PRKCZ: variants seen among roughly 807,000 people sequenced by gnomAD.
PRKCZ encodes the protein protein kinase C zeta type.
PRKCZ carries 33 observed loss-of-function variants against 79.5 expected under a neutral mutation model. That is an observed-to-expected ratio of 0.41 (90% CI 0.31 to 0.55). The LOEUF is 0.55. PRKCZ is among the 20% of genes least tolerant of loss of function. The pLI is 0.19. For synonymous variants in PRKCZ, 342 were observed against 320.9 expected (o/e 1.07, Z -0.70); for missense variants, 578 against 813.5 (o/e 0.71, Z 3.52).
intron 4 of PRKCZ, among the ~76,000 whole-genome samples, chr1:2,077,096 A>T (rs1662565376): frequency 1.3e-5 from 2 of 152,158 alleles, no homozygotes; most frequent in South Asian, 4.1e-4. Context: ...ACACGAACAG[A>T]TCCCTGCTGC....
rs79727931 is a variant in PRKCZ, at chr1:2,115,098, G to A, written c.335-20164G>A. ...CTACCCGTCCCCGGCCTTGGTGCCT[G>A]CAGATAGTTTTGCTTGTTTCGAGCT... On this transcript the variant is annotated intron_variant, in intron 4 of 17. Transcript: ENST00000378567. Among the ~76,000 whole-genome samples the A allele has an allele frequency of 5.5e-3, 837 of 152,376 alleles. 46 individuals are homozygous for A. In the East Asian group the frequency reaches 0.13, roughly 23 times the overall value.
intron 4 of PRKCZ, among the ~76,000 whole-genome samples, chr1:2,122,913 G>T: frequency 1.3e-5 from 1 of 77,698 alleles, no homozygotes; most frequent in Non-Finnish European, 2.4e-5. Flanking sequence ...TTAGGGTCAC[G>T]GTGGTGGTTA....
At chr1:2,072,677 C>T (rs1266883899) in intron 4 of PRKCZ, among the ~76,000 whole-genome samples, 3 of 152,040 alleles carry the variant, frequency 2.0e-5, no homozygotes, top group Non-Finnish European at 2.9e-5. Flanking sequence ...TTGAAAGGTT[C>T]GCTGTGGGAC....
intron 4 of PRKCZ, among the ~76,000 whole-genome samples, chr1:2,095,358 C>T (rs111838815): frequency 6.6e-6 from 1 of 152,150 alleles, no homozygotes; most frequent in African/African-American, 2.4e-5. Context: ...CCATGCTGTC[C>T]TCTGCCTTTG....
intron 4 of PRKCZ, among the ~76,000 whole-genome samples, chr1:2,093,151 T>C (rs1052423874): frequency 2.6e-5 from 4 of 151,636 alleles, no homozygotes; most frequent in African/African-American, 9.8e-5. Context: ...CTGAGAGACC[T>C]GGCGGGAGAG....
intron 7 of PRKCZ, among the ~76,000 whole-genome samples, chr1:2,146,545 C>A (rs1228384752): frequency 6.6e-6 from 1 of 152,178 alleles, no homozygotes; most frequent in Non-Finnish European, 1.5e-5. Context: ...GTGGCATGGT[C>A]CTTGGATTTT....
At chr1:2,058,337 A>C (rs1294429669) in intron 3 of PRKCZ, among the ~76,000 whole-genome samples, 1 of 134,510 alleles carries the variant, frequency 7.4e-6, no homozygotes, top group Non-Finnish European at 1.5e-5. Flanking sequence ...TTTGATATTC[A>C]GACGTGGTGG....
At chr1:2,112,120 A>G (rs1055714149) in intron 4 of PRKCZ, among the ~76,000 whole-genome samples, 5 of 152,234 alleles carry the variant, frequency 3.3e-5, no homozygotes, top group African/African-American at 4.8e-5. Flanking sequence ...GGTTTCCAGC[A>G]GAGCTTTTCC....
chr1:2,126,012 C>G (rs963347879), intron 4 of PRKCZ, among the ~76,000 whole-genome samples: 4 of 152,110 alleles, frequency 2.6e-5, no homozygotes, highest in African/African-American at 9.7e-5. Context: ...AGGATGTTGC[C>G]CCTGTCCTGA....
At chr1:2,070,192 C>T (rs1350085195) in intron 4 of PRKCZ, among the ~76,000 whole-genome samples, 1 of 152,022 alleles carries the variant, frequency 6.6e-6, no homozygotes, top group Non-Finnish European at 1.5e-5. Context: ...CCTGCCTGTC[C>T]ACAGCACAGA....
intron 9 of PRKCZ, among the ~76,000 whole-genome samples, chr1:2,152,757 T>G (rs1680152910): frequency 6.6e-6 from 1 of 152,000 alleles, no homozygotes; most frequent in Non-Finnish European, 1.5e-5. Flanking sequence ...CAGAACGGAG[T>G]TGTGTGTGAG....
Position 2,135,254 on chromosome 1 carries a change from C to T in PRKCZ, c.335-8C>T. On this transcript the variant is annotated splice_polypyrimidine_tract_variant and splice_region_variant and intron_variant, in intron 4 of 17. Coordinates refer to ENST00000378567, the MANE Select transcript of PRKCZ (RefSeq NM_002744.6). ...TGTTTCTTTACACCTTTCTCATATCCTTTCCAGAATCTATCTACCGCCGGG... is the reference window on the plus strand; with the variant it reads ...TGTTTCTTTACACCTTTCTCATATCTTTTCCAGAATCTATCTACCGCCGGG... The T allele has an allele frequency of 1.2e-6, 2 of 1,609,980 alleles. No homozygotes were observed. The highest frequency in any genetic ancestry group is 2.2e-5 in the South Asian group (2 of 90,940).
At chr1:2,153,140 G>A (rs558450783) in intron 9 of PRKCZ, among the ~76,000 whole-genome samples, 6 of 152,366 alleles carry the variant, frequency 3.9e-5, no homozygotes, top group South Asian at 2.1e-4. Flanking sequence ...TCAGTGACGC[G>A]TGTGATTGTG....
chr1:2,079,464 G>C (rs756306657), intron 4 of PRKCZ, among the ~76,000 whole-genome samples: 3 of 152,210 alleles, frequency 2.0e-5, no homozygotes, highest in Non-Finnish European at 4.4e-5. Flanking sequence ...TATTTGCCGC[G>C]TGCCCCAGGG....
At chr1:2,109,927 C>G (rs538887862) in intron 4 of PRKCZ, among the ~76,000 whole-genome samples, 41 of 152,338 alleles carry the variant, frequency 2.7e-4, no homozygotes, top group Non-Finnish European at 5.0e-4. Flanking sequence ...CCAGACCTGG[C>G]CATTGGCTGG....
intron 4 of PRKCZ, among the ~76,000 whole-genome samples, chr1:2,109,451 C>T (rs373018227): frequency 1.1e-4 from 16 of 152,366 alleles, no homozygotes; most frequent in African/African-American, 3.8e-4. Flanking sequence ...CCGTCCTCCT[C>T]ACTGAATTGT....
At chr1:2,055,410 G>C in intron 1 of PRKCZ, 31 bp from the exon 2 acceptor site, 1 of 1,569,862 alleles carries the variant, frequency 6.4e-7, no homozygotes, top group African/African-American at 1.4e-5. Context: ...ATGCCCCACG[G>C]TAACAGATGC....
At chr1:2,107,900 C>T (rs1178477600) in intron 4 of PRKCZ, among the ~76,000 whole-genome samples, 2 of 148,442 alleles carry the variant, frequency 1.3e-5, no homozygotes, top group African/African-American at 5.1e-5. Flanking sequence ...GGGATTCCCC[C>T]CAGGGCAGTG....
chr1:2,058,157 G>A (rs1322789343), intron 3 of PRKCZ, among the ~76,000 whole-genome samples: 2 of 152,182 alleles, frequency 1.3e-5, no homozygotes, highest in Non-Finnish European at 2.9e-5. Context: ...GTGAGCCACG[G>A]TGCCCGGCCT....
Sources: allele counts gnomAD v4.1 joint callset (sites outside exome capture counted in the v4.1 genomes callset), GRCh38; gene constraint gnomAD v4.1.1; transcripts MANE v1.5; gene names NCBI Gene and HGNC (gene_info 2026-07-23, HGNC 2026-07-21).